MUC12: variants seen among roughly 807,000 people sequenced by gnomAD.
MUC12 encodes the protein mucin 12, cell surface associated, also known as mucin-12.
Under a neutral mutation model 230.8 loss-of-function variants are expected in MUC12, and 172 were observed. That is an observed-to-expected ratio of 0.75 (90% CI 0.66 to 0.85). MUC12 has a LOEUF of 0.85. Among genes scored for constraint, MUC12 ranks in the 40% least tolerant of loss-of-function variants. The pLI, the probability that MUC12 is intolerant of heterozygous loss-of-function variation, is 0.00. For synonymous variants in MUC12, 1,259 were observed against 2,401.9 expected (o/e 0.52, Z 13.91); for missense variants, 3,506 against 5,920.6 (o/e 0.59, Z 13.38).
In MUC12 at chr7:101,013,013, C is replaced by T. The variant is rs1793860895; in HGVS notation, c.15509C>T (p.Thr5170Ile). Reference sequence around the variant, plus strand: ...ACCCAGAAGGCTGCCGAAGGATATACCCAGTTCTACTATGTGGATGTCTTG... The same window carrying T: ...ACCCAGAAGGCTGCCGAAGGATATATCCAGTTCTACTATGTGGATGTCTTG... Reference protein sequence around the residue: ...QCTQKAAEGYTQFYYVDVLDG... With the variant: ...QCTQKAAEGYIQFYYVDVLDG... Residue 5170 changes from threonine to isoleucine, a missense_variant, in exon 8 of 12, where the codon ACC becomes ATC. By Grantham distance (89) the Thr-to-Ile change is moderately conservative. Coordinates refer to ENST00000536621, the MANE Select transcript of MUC12 (RefSeq NM_001164462.2). 1 of 1,537,312 alleles carries T rather than the reference C, an allele frequency of 6.5e-7. No homozygotes were observed. Among genetic ancestry groups the T allele is most frequent in the Non-Finnish European group, 8.7e-7 (1 of 1,146,942 alleles).
In MUC12 at chr7:101,002,851, C is replaced by T. The variant is rs1306086000; in HGVS notation, c.12288C>T (p.Thr4096=). Residue 4096 remains threonine (T), a synonymous_variant, in exon 2 of 12, where the codon ACC becomes ACT. Transcript: ENST00000536621. ...SSDTTPSPPS[T]TAVPVEVSTT... ...ACACAACACCTTCACCTCCCAGCAC[C>T]ACAGCAGTCCCTGTTGAAGTATCCA... 2 of 1,045,150 alleles carry T rather than the reference C, an allele frequency of 1.9e-6. No individual in the cohort carries two copies. Among genetic ancestry groups the T allele is most frequent in the South Asian group, 3.2e-5 (2 of 61,634 alleles). The allele number at this position is 1,045,150 out of a possible 1,614,324, so 64.7% of individuals were successfully genotyped here.
chr7:101,007,948 T>C (rs4729641), intron 3 of MUC12, among the ~76,000 whole-genome samples: 115,568 of 150,804 alleles, frequency 0.77, 44,469 homozygotes, highest in African/African-American at 0.83. Context: ...CAGGTGCCCG[T>C]CACCATGCCT....
chr7:100,981,454 C>G (rs1793104700), intron 1 of MUC12: 1 of 555,018 alleles, frequency 1.8e-6, no homozygotes, highest in Admixed American at 3.3e-5. Context: ...CCTGGGGCTC[C>G]CACTTAGTGA....
chr7:100,992,938 T>G lies in MUC12; in HGVS notation c.2375T>G (p.Leu792Arg). The G allele has an allele frequency of 3.3e-6, 5 of 1,537,354 alleles. No homozygotes were observed. The highest frequency in any genetic ancestry group is 4.4e-6 in the Non-Finnish European group (5 of 1,146,928). Residue 792 changes from leucine (L) to arginine (R), a missense_variant, in exon 2 of 12, where the codon CTT (leucine) becomes CGT (arginine). Coordinates refer to ENST00000536621, the MANE Select transcript of MUC12 (RefSeq NM_001164462.2). ...GCCCGCTCCACAACCTCAGTTCTTC[T>G]TGGAGAATCTACGACCTCACCCATC... Reference protein sequence around the residue: ...LPARSTTSVLLGESTTSPISS... With the variant: ...LPARSTTSVLRGESTTSPISS...
At chr7:100,989,869 T>C (rs1344494771) in intron 1 of MUC12, among the ~76,000 whole-genome samples, 1 of 152,096 alleles carries the variant, frequency 6.6e-6, no homozygotes, top group Non-Finnish European at 1.5e-5. Context: ...TTTTTTGTAT[T>C]TTTAATAGAG....
At chr7:101,006,396 GGACC>G (rs1793751679) in intron 2 of MUC12, 71 bp from the exon 3 acceptor site, 1 of 962,652 alleles carries the variant, frequency 1.0e-6, no homozygotes, top group South Asian at 1.4e-5. Context: ...CTGAGTGACT[GGACC>G]TGGAATGGGA....
At chr7:100,983,417 TA>T (rs571349708) in intron 1 of MUC12, among the ~76,000 whole-genome samples, 1,207 of 137,122 alleles carry the variant, frequency 8.8e-3, no homozygotes, top group Admixed American at 8.3e-3. Context: ...GAGACTCCGT[TA>T]AAAAAAAAAA....
At chr7:100,989,099 CTT>C (rs61570080) in intron 1 of MUC12, among the ~76,000 whole-genome samples, 17,107 of 132,590 alleles carry the variant, frequency 0.13, 767 homozygotes, top group African/African-American at 0.17. Context: ...TCCTCTTCTT[CTT>C]TTTTTTTTTT....
At chr7:101,013,411 A>G (rs368601715) in intron 8 of MUC12, among the ~76,000 whole-genome samples, 1 of 152,112 alleles carries the variant, frequency 6.6e-6, no homozygotes, top group East Asian at 1.9e-4. Flanking sequence ...ATCTATCTCT[A>G]TCTCTATCTT....
chr7:101,012,750 C>T, intron 6 of MUC12, 69 bp from the exon 7 acceptor site: 1 of 1,489,806 alleles, frequency 6.7e-7, no homozygotes, highest in Non-Finnish European at 9.1e-7. Context: ...AAGAGAGAGG[C>T]CTGGCTACCC....
At position 100,991,778 on chromosome 7, in the gene MUC12, TG is replaced by T. The variant is rs1562782337; in HGVS notation, c.1216del (p.Ala406ProfsTer2). On this transcript the variant is annotated frameshift_variant, in exon 2 of 12. Transcript: ENST00000536621. LOFTEE classifies it high-confidence loss of function. ...TKSSTPSTTA[A>X]LAHTSYHSSL... is the part of the protein sequence containing the mutation. Reference sequence around the variant, plus strand: ...AATCTTCAACTCCTAGCACCACAGCTGCCCTAGCACATACAAGCTACCACAG... The same window carrying T: ...AATCTTCAACTCCTAGCACCACAGCTCCCTAGCACATACAAGCTACCACAG... The T allele has an allele frequency of 6.5e-7, 1 of 1,537,952 alleles. No individual in the cohort carries two copies. The highest frequency in any genetic ancestry group is 8.7e-7 in the Non-Finnish European group (1 of 1,147,070).
rs759231199 is a variant in MUC12, at chr7:101,005,064, C to G, written c.14501C>G (p.Ser4834Ter). 6 of 1,537,716 alleles carry G rather than the reference C, an allele frequency of 3.9e-6. No homozygotes were observed. In the East Asian group the frequency reaches 7.3e-5, roughly 19 times the overall value. ...TPHSQPGSAL[S>*]TVSPASTTVP... Reference sequence around the variant, plus strand: ...CATAGCCAACCAGGCTCAGCTCTGTCAACAGTGTCACCTGCCAGCACCACA... The same window carrying G: ...CATAGCCAACCAGGCTCAGCTCTGTGAACAGTGTCACCTGCCAGCACCACA... Residue 4834 changes from serine to a stop codon, truncating the protein, a stop_gained, in exon 2 of 12, where the codon TCA becomes TGA. Coordinates refer to ENST00000536621, the MANE Select transcript of MUC12 (RefSeq NM_001164462.2). LOFTEE classifies it high-confidence loss of function.
chr7:100,971,261 G>C (rs1164023246), intron 1 of MUC12, among the ~76,000 whole-genome samples: 1 of 152,304 alleles, frequency 6.6e-6, no homozygotes, highest in Non-Finnish European at 1.5e-5. Flanking sequence ...GGTCGTGGCT[G>C]TGTCTGAGAG....
chr7:101,014,942 C>T (rs1207395501), intron 9 of MUC12, among the ~76,000 whole-genome samples: 1 of 152,300 alleles, frequency 6.6e-6, no homozygotes, highest in South Asian at 2.1e-4. Flanking sequence ...GCTGTCACCC[C>T]TGGCTGTCTG....
intron 1 of MUC12, among the ~76,000 whole-genome samples, chr7:100,983,417 T>TAA (rs571349708): frequency 3.4e-4 from 47 of 137,530 alleles, no homozygotes; most frequent in African/African-American, 1.2e-3. Context: ...GAGACTCCGT[T>TAA]AAAAAAAAAA....
intron 1 of MUC12, among the ~76,000 whole-genome samples, chr7:100,970,576 G>A (rs931957980): frequency 5.9e-5 from 9 of 151,666 alleles, no homozygotes; most frequent in Non-Finnish European, 1.3e-4. Context: ...GAAAGAAAAG[G>A]AAAAAAGAAA....
chr7:100,980,687 G>A (rs140259279), intron 1 of MUC12, among the ~76,000 whole-genome samples: 3 of 152,296 alleles, frequency 2.0e-5, no homozygotes, highest in East Asian at 3.9e-4. Context: ...GCCTTGGGAG[G>A]CTGAGGTGGG....
chr7:101,006,598 G>A (rs578217127), intron 3 of MUC12, 26 bp downstream of exon 3: 1 of 1,437,574 alleles, frequency 7.0e-7, no homozygotes, highest in Admixed American at 2.0e-5. Context: ...GAGACCTGCA[G>A]CTCTTTGCAG....
Position 100,991,373 on chromosome 7 carries a change from C to T in MUC12, c.810C>T (p.Thr270=). The T allele has an allele frequency of 5.9e-6, 9 of 1,537,814 alleles. No homozygotes were observed. The highest frequency in any genetic ancestry group is 7.8e-6 in the Non-Finnish European group (9 of 1,147,044). The change falls in exon 2 of 12, where the codon ACC becomes ACT. Residue 270 remains threonine, a synonymous_variant. Transcript: ENST00000536621. Reference sequence around the variant, plus strand: ...CACTGTCCCCTTCCAGCTCTACAACCCATGAGGGAGAACCTACCACCTTCC... The same window carrying T: ...CACTGTCCCCTTCCAGCTCTACAACTCATGAGGGAGAACCTACCACCTTCC... ...HTTLSPSSST[T]HEGEPTTFQS...
Sources: allele counts gnomAD v4.1 joint callset (sites outside exome capture counted in the v4.1 genomes callset), GRCh38; gene constraint gnomAD v4.1.1; transcripts MANE v1.5; gene names NCBI Gene and HGNC (gene_info 2026-07-23, HGNC 2026-07-21).